PEX5L: variants seen among roughly 807,000 people sequenced by gnomAD.
PEX5L encodes the protein PEX5-related protein.
In PEX5L, 30 loss-of-function variants were observed where a neutral mutation model predicts 84.0. The ratio of observed to expected loss-of-function variants is 0.36; its 90% CI spans 0.27 to 0.48. The LOEUF is 0.48. Ranked by LOEUF, PEX5L falls within the 20% of genes least tolerant of loss-of-function variation. The pLI is 0.99. For missense variants in PEX5L, 533 were observed against 754.6 expected, an observed-to-expected ratio of 0.71 and a Z score of 3.44; for synonymous variants, 270 against 283.1, an observed-to-expected ratio of 0.95 and a Z score of 0.46.
At chr3:179,848,742 C>A (rs140297526) in intron 8 of PEX5L, among the ~76,000 whole-genome samples, 1 of 152,224 alleles carries the variant, frequency 6.6e-6, no homozygotes, top group Non-Finnish European at 1.5e-5. Flanking sequence ...AAAATGCCCT[C>A]AAATTGTGGT....
intron 10 of PEX5L, among the ~76,000 whole-genome samples, chr3:179,813,976 ATTTTTT>A (rs71182520): frequency 7.6e-6 from 1 of 132,154 alleles, no homozygotes; most frequent in Non-Finnish European, 1.6e-5. Flanking sequence ...GCGCCCGGCC[ATTTTTT>A]TTTTTTTTTT....
chr3:179,857,226 G>A (rs1447007251), intron 8 of PEX5L, among the ~76,000 whole-genome samples: 1 of 152,182 alleles, frequency 6.6e-6, no homozygotes, highest in Admixed American at 6.5e-5. Context: ...GTACAGACAA[G>A]GAGAAGCCAG....
intron 1 of PEX5L, among the ~76,000 whole-genome samples, chr3:179,992,585 CAG>C (rs1461686185): frequency 2.6e-5 from 4 of 151,912 alleles, no homozygotes; most frequent in African/African-American, 7.3e-5. Context: ...GTAGGTAAAA[CAG>C]AGATGCAGTG....
In PEX5L at chr3:179,922,149, G is replaced by A. The variant is rs1489145564; in HGVS notation, c.94-23903C>T. On this transcript the variant is annotated intron_variant, in intron 2 of 14. Transcript: ENST00000467460. ...GTTGCTTGTAAGATGATGGATCATG[G>A]AGCAGTAAATCAGCCAGTCAACAAA... 2.0e-5 allele frequency among the ~76,000 whole-genome samples: 3 copies of A among 152,180 alleles called. No individual in the cohort carries two copies. The East Asian group carries it at 5.8e-4, about 29-fold the overall frequency.
At chr3:179,868,044 T>TCTTC (rs57462506) in intron 7 of PEX5L, among the ~76,000 whole-genome samples, 1,713 of 129,530 alleles carry the variant, frequency 0.013, 41 homozygotes, top group Admixed American at 0.05. Context: ...TTCTTCTTCT[T>TCTTC]TTTTTTTTTT....
At chr3:179,979,069 G>A (rs1348907988) in intron 1 of PEX5L, among the ~76,000 whole-genome samples, 1 of 152,134 alleles carries the variant, frequency 6.6e-6, no homozygotes, top group Non-Finnish European at 1.5e-5. Flanking sequence ...ACTTCTCAGA[G>A]GGGTTACATT....
intron 10 of PEX5L, 41 bp from the exon 11 acceptor site, chr3:179,811,912 G>A (rs1212082828): frequency 4.0e-6 from 6 of 1,486,576 alleles, no homozygotes; most frequent in Non-Finnish European, 5.6e-6. Context: ...AGATGAAGCA[G>A]AATTACTCAT....
At chr3:179,881,217 G>A (rs981008454) in intron 4 of PEX5L, 3 of 152,350 alleles carry the variant, frequency 2.0e-5, no homozygotes, top group Admixed American at 1.3e-4. Context: ...ATACTCTTCT[G>A]TCTGCTTCTC....
At chr3:179,934,774 CTAAT>C (rs1033960154) in intron 2 of PEX5L, among the ~76,000 whole-genome samples, 5 of 152,136 alleles carry the variant, frequency 3.3e-5, no homozygotes, top group African/African-American at 1.2e-4. Flanking sequence ...TACTAATACT[CTAAT>C]TGTTTGGAAA....
intron 8 of PEX5L, among the ~76,000 whole-genome samples, chr3:179,858,550 T>C (rs1744871456): frequency 1.3e-5 from 2 of 152,168 alleles, no homozygotes; most frequent in South Asian, 2.1e-4. Context: ...TTCTTAATAA[T>C]AAAATTTGCT....
At chr3:179,815,760 C>T in intron 10 of PEX5L, 101 bp downstream of exon 10, 2 of 1,305,768 alleles carry the variant, frequency 1.5e-6, no homozygotes, top group Non-Finnish European at 2.2e-6. Context: ...CCTCTGGGAA[C>T]CTTTACTTGA....
At chr3:179,987,250 CCCTT>C (rs554304745) in intron 1 of PEX5L, among the ~76,000 whole-genome samples, 71 of 149,870 alleles carry the variant, frequency 4.7e-4, no homozygotes, top group African/African-American at 1.1e-3. Flanking sequence ...TCATTTCCCT[CCCTT>C]CCTTCCTTCC....
intron 2 of PEX5L, among the ~76,000 whole-genome samples, chr3:179,905,267 A>T (rs1187552436): frequency 6.9e-6 from 1 of 144,560 alleles, no homozygotes; most frequent in Non-Finnish European, 1.5e-5. Context: ...AAGTTGAGTC[A>T]ATCTGTGTCC....
intron 8 of PEX5L, among the ~76,000 whole-genome samples, chr3:179,835,348 T>C (rs1169933930): frequency 6.6e-6 from 1 of 151,652 alleles, no homozygotes; most frequent in East Asian, 1.9e-4. Context: ...GGTTAGGTGA[T>C]GTTATTGTTG....
chr3:179,864,282 AGTCT>A (rs1236897456), intron 7 of PEX5L, among the ~76,000 whole-genome samples: 2 of 152,198 alleles, frequency 1.3e-5, no homozygotes, highest in Non-Finnish European at 2.9e-5. Flanking sequence ...ATACAGAATC[AGTCT>A]GTCTATCGAT....
At chr3:179,951,171 A>G (rs985259410) in intron 2 of PEX5L, among the ~76,000 whole-genome samples, 4 of 152,224 alleles carry the variant, frequency 2.6e-5, no homozygotes, top group Non-Finnish European at 5.9e-5. Context: ...CTGAATTAAG[A>G]AAATTCTGAA....
At chr3:179,871,032 A>G (rs917921116) in intron 7 of PEX5L, among the ~76,000 whole-genome samples, 1 of 151,332 alleles carries the variant, frequency 6.6e-6, no homozygotes, top group Non-Finnish European at 1.5e-5. Flanking sequence ...ACTGCCTCAT[A>G]TAATTTATGT....
intron 2 of PEX5L, among the ~76,000 whole-genome samples, chr3:179,967,024 C>T (rs145925219): frequency 1.3e-5 from 2 of 152,270 alleles, no homozygotes; most frequent in African/African-American, 4.8e-5. Flanking sequence ...AGCCATAGGG[C>T]TCAAGAGGGA....
intron 1 of PEX5L, among the ~76,000 whole-genome samples, chr3:180,025,344 A>C (rs903920615): frequency 6.6e-6 from 1 of 152,198 alleles, no homozygotes; most frequent in Non-Finnish European, 1.5e-5. Context: ...CTATTCATTC[A>C]ATAAGTACTA....
Sources: allele counts gnomAD v4.1 joint callset (sites outside exome capture counted in the v4.1 genomes callset), GRCh38; gene constraint gnomAD v4.1.1; transcripts MANE v1.5; gene names NCBI Gene and HGNC (gene_info 2026-07-23, HGNC 2026-07-21).